PSG2: variants seen among roughly 807,000 people sequenced by gnomAD.
PSG2 encodes the protein pregnancy specific beta-1-glycoprotein 2, also known as pregnancy-specific beta-1-glycoprotein 2.
In PSG2, 49 loss-of-function variants were observed where a neutral mutation model predicts 36.2. The observed-to-expected ratio is 1.35, with a 90% CI of 1.08 to 1.72. The LOEUF (loss-of-function observed/expected upper bound fraction) is 1.72, where lower values mean the gene tolerates loss of function less well. Among genes scored for constraint, PSG2 ranks in the 40% most tolerant of loss-of-function variants. PSG2 has a pLI of 0.00. For missense variants in PSG2, 605 were observed against 407.2 expected, an observed-to-expected ratio of 1.49 and a Z score of -4.18; for synonymous variants, 261 against 155.6, an observed-to-expected ratio of 1.68 and a Z score of -5.04.
At position 43,075,475 on chromosome 19, in the gene PSG2, G is replaced by A. The variant is rs1064919; in HGVS notation, c.588C>T (p.Ser196=). Residue 196 remains serine (S), a synonymous_variant, in exon 3 of 6, where the codon TCC becomes TCT. Transcript: ENST00000406487. ...ATAGAAAGAGGGTCCTGTTGGTTTC[G>A]GACAGCTGAAACCTATGAGTCATAG... ...SLPMTHRFQL[S]ETNRTLFLFG... 314 of 1,613,088 alleles carry A rather than the reference G, an allele frequency of 1.9e-4. 4 individuals are homozygous for A. Among genetic ancestry groups the A allele is most frequent in the Middle Eastern group, 1.2e-3 (7 of 6,056 alleles).
At chr19:43,070,129 C>A (rs1259067562) in intron 4 of PSG2, among the ~76,000 whole-genome samples, 5 of 151,552 alleles carry the variant, frequency 3.3e-5, no homozygotes, top group Admixed American at 6.6e-5. Context: ...ATCAAAACCA[C>A]AATGTTACAC....
Position 43,071,753 on chromosome 19 carries a change from C to A in PSG2, c.911G>T (p.Arg304Leu). Residue 304 changes from arginine to leucine, a missense_variant, in exon 4 of 6, where the codon CGT becomes CTT. Arg to Leu is a moderately radical substitution (Grantham distance 102). Transcript: ENST00000406487. ...KHSGLYVCSV[R>L]NSATGEESST... ...GCTTTCCTCGCCAGTGGCTGAGTTA[C>A]GAACAGAGCAAACATAGAGCCCGCT... 1 of 1,612,708 alleles carries A rather than the reference C, an allele frequency of 6.2e-7. No homozygotes were observed. Among genetic ancestry groups the A allele is most frequent in the South Asian group, 1.1e-5 (1 of 91,022 alleles).
At position 43,082,615 on chromosome 19, in the gene PSG2, A is replaced by T. The variant is rs1473553082; in HGVS notation, c.-46T>A. On this transcript the variant is annotated 5_prime_UTR_variant, in exon 1 of 6. Coordinates refer to ENST00000406487, the MANE Select transcript of PSG2 (RefSeq NM_031246.4). ...TCTCCTCTGTGGAGATGAGCCTAGGATCCAGAAACTTCCTGAGCACGGCTG... is the reference window on the plus strand; with the variant it reads ...TCTCCTCTGTGGAGATGAGCCTAGGTTCCAGAAACTTCCTGAGCACGGCTG... The T allele has an allele frequency of 1.9e-6, 3 of 1,603,766 alleles. No homozygotes were observed. Among genetic ancestry groups the T allele is most frequent in the South Asian group, 1.1e-5 (1 of 90,684 alleles).
intron 2 of PSG2, 129 bp from the exon 3 acceptor site, chr19:43,075,761 G>T: frequency 6.7e-7 from 1 of 1,495,542 alleles, no homozygotes. Flanking sequence ...TGGCAGGTGT[G>T]TGTGTTACAA....
intron 5 of PSG2, 108 bp downstream of exon 5, chr19:43,066,409 G>A: frequency 2.4e-6 from 2 of 820,824 alleles, no homozygotes; most frequent in Admixed American, 3.6e-5. Context: ...GAGTTTAGTG[G>A]AGGAAGGAGG....
At chr19:43,067,760 G>C (rs1967761044) in intron 4 of PSG2, among the ~76,000 whole-genome samples, 1 of 151,254 alleles carries the variant, frequency 6.6e-6, no homozygotes, top group Non-Finnish European at 1.5e-5. Flanking sequence ...TTCATTGACT[G>C]CATTAAATCT....
rs865911855 is a variant in PSG2 at position 43,071,737 on chromosome 19, G to T, written c.927C>A (p.Gly309=). The T allele has an allele frequency of 6.2e-7, 1 of 1,612,850 alleles. No individual in the cohort carries two copies. Among genetic ancestry groups the T allele is most frequent in the Middle Eastern group, 1.7e-4 (1 of 6,056 alleles). ...CTGTCAACGATGTGGAGCTTTCCTC[G>T]CCAGTGGCTGAGTTACGAACAGAGC... ...YVCSVRNSAT[G]EESSTSLTVK... is the part of the protein sequence containing the mutation. The change falls in exon 4 of 6, where the codon GGC becomes GGA. Residue 309 remains glycine, a synonymous_variant. Coordinates refer to ENST00000406487, the MANE Select transcript of PSG2 (RefSeq NM_031246.4).
At position 43,067,449 on chromosome 19, in the gene PSG2, CAT is replaced by C. The variant is rs761501366; in HGVS notation, c.965-851_965-850del. 8.0e-5 allele frequency among the ~76,000 whole-genome samples: 12 copies of C among 149,448 alleles called. 1 individual carries two copies. Among genetic ancestry groups the C allele is most frequent in the African/African-American group, 2.5e-4 (10 of 40,404 alleles). On this transcript the variant is annotated intron_variant, in intron 4 of 5. Transcript: ENST00000406487. ...GTGTTTTATGTGTTACCTCTTTTTC[CAT>C]ATATATATATATGGAAAAAGGTAGA...
rs145532891 is a variant in PSG2, at chr19:43,075,614, G to A, written c.449C>T (p.Ser150Phe). 9.3e-6 allele frequency: 15 copies of A among 1,612,698 alleles called. No homozygotes were observed. The highest frequency in any genetic ancestry group is 6.7e-5 in the African/African-American group (5 of 74,336). ...FTLYLETPKP[S>F]ISSSNLNPRE... Reference sequence around the variant, plus strand: ...GGGGTTTAAGTTGCTGCTGGAGATGGAGGGCTTGGGAGTCTCCACTGTGCA... The same window carrying A: ...GGGGTTTAAGTTGCTGCTGGAGATGAAGGGCTTGGGAGTCTCCACTGTGCA... The change falls in exon 3 of 6, where the codon TCC becomes TTC. Residue 150 changes from serine to phenylalanine, a missense_variant. By Grantham distance (155) the Ser-to-Phe change is radical (BLOSUM62 -2). Coordinates refer to ENST00000406487, the MANE Select transcript of PSG2 (RefSeq NM_031246.4).
intron 2 of PSG2, among the ~76,000 whole-genome samples, chr19:43,078,182 C>T (rs1226125656): frequency 6.6e-6 from 1 of 151,788 alleles, no homozygotes; most frequent in Non-Finnish European, 1.5e-5. Flanking sequence ...ATAGGCCAGG[C>T]TAACCTTGGG....
At chr19:43,064,630 G>T (rs1488214967) in intron 5 of PSG2, 29 bp from the exon 6 acceptor site, 4 of 612,422 alleles carry the variant, frequency 6.5e-6, no homozygotes, top group Non-Finnish European at 1.2e-5. Context: ...TTGGACTGTA[G>T]GTGATTGTAA....
chr19:43,080,804 G>A, intron 2 of PSG2, 77 bp downstream of exon 2: 2 of 1,611,356 alleles, frequency 1.2e-6, no homozygotes, highest in Non-Finnish European at 1.7e-6. Context: ...GCACAGTCTA[G>A]GCCTGACAAT....
intron 4 of PSG2, among the ~76,000 whole-genome samples, chr19:43,069,829 G>C (rs531968755): frequency 1.3e-5 from 2 of 151,658 alleles, no homozygotes; most frequent in African/African-American, 2.4e-5. Flanking sequence ...CAAATAAAAC[G>C]GATAAATCGG....
rs551306920 is a variant in PSG2, at chr19:43,075,106, A to C, written c.709+248T>G. Among the ~76,000 whole-genome samples the C allele has an allele frequency of 2.0e-4, 30 of 151,900 alleles. No individual in the cohort carries two copies. The South Asian group carries it at 3.1e-3, about 16-fold the overall frequency. The stretch of plus-strand genomic sequence containing the variant: ...TGTTCACTGATCTGGAGCCTGAGAC[A>C]TTCACCTGTTTCTCCCATCACAAGC... On this transcript the variant is annotated intron_variant, in intron 3 of 5. Coordinates refer to ENST00000406487, the MANE Select transcript of PSG2 (RefSeq NM_031246.4).
Position 43,066,617 on chromosome 19 carries a change from A to G in PSG2, c.965-17T>C. ...TTGTAGAAGCTGTCATGGAAAGAAA[A>G]GTAAAGAAGGAATGAAGGTGATGTT... On this transcript the variant is annotated splice_polypyrimidine_tract_variant and intron_variant, in intron 4 of 5. Coordinates refer to ENST00000406487, the MANE Select transcript of PSG2 (RefSeq NM_031246.4). 2 of 1,585,696 alleles carry G rather than the reference A, an allele frequency of 1.3e-6. No homozygotes were observed. The highest frequency in any genetic ancestry group is 1.7e-6 in the Non-Finnish European group (2 of 1,155,040).
Position 43,075,512 on chromosome 19 carries a change from C to A in PSG2, c.551G>T (p.Gly184Val). The A allele has an allele frequency of 6.2e-7, 1 of 1,613,222 alleles. No homozygotes were observed. The highest frequency in any genetic ancestry group is 1.1e-5 in the South Asian group (1 of 91,042). Residue 184 changes from glycine to valine, a missense_variant, in exon 3 of 6, where the codon GGT (glycine) becomes GTT (valine). Physicochemically the swap from Gly to Val is moderately radical, Grantham distance 109. Transcript: ENST00000406487. ...CCTATGAGTCATAGGGAGGCTCTGA[C>A]CATTCATCCACCACTGGTAGCTTGT... is the stretch of plus-strand genomic sequence containing the variant. ...PDTSYQWWMN[G>V]QSLPMTHRFQ...
intron 2 of PSG2, among the ~76,000 whole-genome samples, chr19:43,079,144 C>A (rs1490290108): frequency 6.6e-6 from 1 of 151,486 alleles, no homozygotes; most frequent in Non-Finnish European, 1.5e-5. Context: ...CAGGGCTTGC[C>A]AGTCAGAATG....
At chr19:43,081,661 C>G (rs1028613281) in intron 1 of PSG2, 2 of 193,448 alleles carry the variant, frequency 1.0e-5, no homozygotes, top group African/African-American at 4.7e-5. Flanking sequence ...CTAAAGGGTT[C>G]TTGTTAACAG....
Position 43,082,605 on chromosome 19 carries a change from T to C in PSG2, c.-36A>G. The C allele has an allele frequency of 6.2e-7, 1 of 1,607,404 alleles. No individual in the cohort carries two copies. On this transcript the variant is annotated 5_prime_UTR_variant, in exon 1 of 6. Coordinates refer to ENST00000406487, the MANE Select transcript of PSG2 (RefSeq NM_031246.4). ...GCCTGTGTGTTCTCCTCTGTGGAGATGAGCCTAGGATCCAGAAACTTCCTG... is the reference window on the plus strand; with the variant it reads ...GCCTGTGTGTTCTCCTCTGTGGAGACGAGCCTAGGATCCAGAAACTTCCTG...
Sources: allele counts gnomAD v4.1 joint callset (sites outside exome capture counted in the v4.1 genomes callset), GRCh38; gene constraint gnomAD v4.1.1; transcripts MANE v1.5; gene names NCBI Gene and HGNC (gene_info 2026-07-23, HGNC 2026-07-21).